RIMS1: variants seen among roughly 807,000 people sequenced by gnomAD.
RIMS1 encodes regulating synaptic membrane exocytosis protein 1.
A neutral mutation model predicts 214.1 loss-of-function variants in RIMS1; 83 were observed. The ratio of observed to expected loss-of-function variants is 0.39; its 90% CI spans 0.32 to 0.47. The LOEUF is 0.47. RIMS1 is among the 20% of genes least tolerant of loss of function. The pLI is 0.99. For synonymous variants in RIMS1, 793 were observed against 786.8 expected (o/e 1.01, Z -0.13); for missense variants, 2,050 against 2,161.8 (o/e 0.95, Z 1.03).
rs575009426 is a variant in RIMS1 at position 72,174,384 on chromosome 6, T to G, written c.472-5191T>G. Among the ~76,000 whole-genome samples the G allele has an allele frequency of 6.6e-5, 10 of 152,358 alleles. No homozygotes were observed. The East Asian group carries it at 1.7e-3, about 26-fold the overall frequency. On this transcript the variant is annotated intron_variant, in intron 4 of 33. Coordinates refer to ENST00000521978, the MANE Select transcript of RIMS1 (RefSeq NM_014989.7). ...TGATATTGTCACTTTTGGGTTACAA[T>G]TTAGCACCCCTTTTGGGAAGCTATT...
At position 72,102,186 on chromosome 6, in the gene RIMS1, A is replaced by C. The variant is rs142043508; in HGVS notation, c.471+2200A>C. Reference sequence around the variant, plus strand: ...CTAAGCCAACTGAATTGAATCCTGCAAACTTAATTCCTTTGGGATTTCCCA... The same window carrying C: ...CTAAGCCAACTGAATTGAATCCTGCCAACTTAATTCCTTTGGGATTTCCCA... On this transcript the variant is annotated intron_variant, in intron 4 of 33. Transcript: ENST00000521978. Among the ~76,000 whole-genome samples the C allele has an allele frequency of 3.5e-3, 529 of 152,074 alleles. 2 individuals are homozygous for C. Among genetic ancestry groups the C allele is most frequent in the African/African-American group, 0.012 (497 of 41,554 alleles).
At chr6:72,125,359 C>T (rs973120977) in intron 4 of RIMS1, among the ~76,000 whole-genome samples, 6 of 152,156 alleles carry the variant, frequency 3.9e-5, no homozygotes, top group East Asian at 1.9e-4. Flanking sequence ...CTGGAAGCTT[C>T]GTCTCAGAGG....
intron 2 of RIMS1, among the ~76,000 whole-genome samples, chr6:72,045,555 T>C: frequency 6.6e-6 from 1 of 152,034 alleles, no homozygotes. Context: ...TTATTAAAAT[T>C]AATTAGAATA....
At chr6:72,083,521 T>C (rs969272737) in intron 2 of RIMS1, among the ~76,000 whole-genome samples, 1 of 152,112 alleles carries the variant, frequency 6.6e-6, no homozygotes, top group African/African-American at 2.4e-5. Context: ...TAGTGGTCTA[T>C]TGATAGATCA....
intron 6 of RIMS1, among the ~76,000 whole-genome samples, chr6:72,230,366 G>C (rs578128269): frequency 6.6e-6 from 1 of 151,768 alleles, no homozygotes; most frequent in Non-Finnish European, 1.5e-5. Context: ...CTTTGGGACA[G>C]ATAAGCTTTC....
At chr6:72,160,661 T>C (rs1446380404) in intron 4 of RIMS1, among the ~76,000 whole-genome samples, 1 of 141,066 alleles carries the variant, frequency 7.1e-6, no homozygotes, top group Non-Finnish European at 1.6e-5. Context: ...TTGTCATTGG[T>C]TCTGTTTATA....
intron 1 of RIMS1, among the ~76,000 whole-genome samples, chr6:71,951,691 G>A (rs1277412637): frequency 6.7e-6 from 1 of 149,060 alleles, no homozygotes; most frequent in Non-Finnish European, 1.5e-5. Context: ...TAGTGACAGG[G>A]TCTTTCTGTG....
intron 11 of RIMS1, among the ~76,000 whole-genome samples, chr6:72,246,986 GA>G (rs1052194386): frequency 2.2e-4 from 33 of 152,164 alleles, no homozygotes; most frequent in African/African-American, 7.5e-4. Context: ...TGTACTTATA[GA>G]AAAAAATGTG....
chr6:72,307,845 C>T (rs1157923167), intron 27 of RIMS1, among the ~76,000 whole-genome samples: 4 of 152,008 alleles, frequency 2.6e-5, no homozygotes, highest in Admixed American at 6.6e-5. Flanking sequence ...TTGATATTTT[C>T]GTGTGATATA....
At position 72,105,832 on chromosome 6, in the gene RIMS1, T is replaced by C. The variant is rs575100513; in HGVS notation, c.471+5846T>C. Among the ~76,000 whole-genome samples the C allele has an allele frequency of 7.9e-5, 12 of 152,292 alleles. No homozygotes were observed. In the East Asian group the frequency reaches 1.9e-3, roughly 24 times the overall value. ...TCAGCCAGCACCCCACCAAACCTTT[T>C]AGTGCCAAAAGCATCTTGTGCTGAT... On this transcript the variant is annotated intron_variant, in intron 4 of 33. Transcript: ENST00000521978.
chr6:72,393,643 C>T (rs1208902845), intron 31 of RIMS1, among the ~76,000 whole-genome samples: 5 of 151,810 alleles, frequency 3.3e-5, no homozygotes, highest in Admixed American at 1.3e-4. Flanking sequence ...AGGAGAATGG[C>T]GTGAACCCGG....
chr6:71,905,124 C>G (rs1774870331), intron 1 of RIMS1, among the ~76,000 whole-genome samples: 1 of 151,968 alleles, frequency 6.6e-6, no homozygotes, highest in Non-Finnish European at 1.5e-5. Context: ...AAAAACAGTC[C>G]TTACCTCTTC....
chr6:72,117,105 G>A (rs1212516580), intron 4 of RIMS1, among the ~76,000 whole-genome samples: 1 of 151,892 alleles, frequency 6.6e-6, no homozygotes, highest in Non-Finnish European at 1.5e-5. Context: ...CTAAGCAAGT[G>A]TATACAAATC....
At chr6:72,380,225 C>T (rs369818407) in intron 29 of RIMS1, among the ~76,000 whole-genome samples, 4 of 152,144 alleles carry the variant, frequency 2.6e-5, no homozygotes, top group East Asian at 3.9e-4. Context: ...GGGTGGGGAA[C>T]GTCACACACC....
chr6:72,278,199 A>ATCTATC (rs1563454812), intron 23 of RIMS1, among the ~76,000 whole-genome samples: 2 of 141,360 alleles, frequency 1.4e-5, no homozygotes, highest in African/African-American at 2.5e-5. Context: ...ATCTATCTAT[A>ATCTATC]TATGATTTTT....
intron 29 of RIMS1, among the ~76,000 whole-genome samples, chr6:72,376,928 G>A (rs917535651): frequency 2.0e-5 from 3 of 152,086 alleles, no homozygotes; most frequent in Admixed American, 1.3e-4. Context: ...CATTGTTTAC[G>A]AAGCATGGGA....
intron 1 of RIMS1, among the ~76,000 whole-genome samples, chr6:71,905,962 A>G (rs561968494): frequency 4.6e-5 from 7 of 152,196 alleles, no homozygotes; most frequent in African/African-American, 1.7e-4. Context: ...CATCTAACCA[A>G]TATTTTGGGG....
chr6:72,039,678 T>A (rs1820881002), intron 2 of RIMS1, among the ~76,000 whole-genome samples: 1 of 152,054 alleles, frequency 6.6e-6, no homozygotes, highest in South Asian at 2.1e-4. Context: ...TATCGGATAT[T>A]CTATCTGGTT....
At chr6:72,202,356 C>A (rs961305684) in intron 6 of RIMS1, among the ~76,000 whole-genome samples, 3 of 152,144 alleles carry the variant, frequency 2.0e-5, no homozygotes, top group African/African-American at 7.2e-5. Context: ...CTGTTCCAGG[C>A]CTTTCTCCCT....
Sources: gnomAD v4.1 joint callset for allele counts (sites outside exome capture counted in the v4.1 genomes callset) on GRCh38, gnomAD v4.1.1 for gene constraint, MANE v1.5 for transcripts, NCBI Gene and HGNC (gene_info 2026-07-23, HGNC 2026-07-21) for gene names.